The following VASP variants were observed in gnomAD, a reference collection of about 807,000 sequenced individuals.
VASP encodes vasodilator stimulated phosphoprotein.
In VASP, 27 loss-of-function variants were observed where a neutral mutation model predicts 54.4. The ratio of observed to expected loss-of-function variants is 0.50; its 90% CI spans 0.37 to 0.68. The LOEUF (loss-of-function observed/expected upper bound fraction) is 0.68. Among genes scored for constraint, VASP ranks in the 30% least tolerant of loss-of-function variants. The probability of loss-of-function intolerance (pLI) is 0.00; values close to 1 mark genes in which losing one functional copy is unlikely to be tolerated. For synonymous variants in VASP, 233 were observed against 209.8 expected, an observed-to-expected ratio of 1.11 and a Z score of -0.96; for missense variants, 488 against 528.3, an observed-to-expected ratio of 0.92 and a Z score of 0.75.
intron 3 of VASP, among the ~76,000 whole-genome samples, chr19:45,520,582 G>GGGCC (rs1968809804): frequency 6.6e-6 from 1 of 152,232 alleles, no homozygotes; most frequent in Admixed American, 6.5e-5. Flanking sequence ...TCAGGTGCTA[G>GGGCC]GGCCAGAGGC....
At chr19:45,517,376 A>ATCTGTCTG (rs56149929) in intron 1 of VASP, among the ~76,000 whole-genome samples, 1 of 140,960 alleles carries the variant, frequency 7.1e-6, no homozygotes, top group African/African-American at 2.6e-5. Context: ...CCATCTGTTC[A>ATCTGTCTG]TCTGTCTGTC....
At chr19:45,512,668 T>C (rs1474811465) in intron 1 of VASP, among the ~76,000 whole-genome samples, 3 of 151,800 alleles carry the variant, frequency 2.0e-5, no homozygotes, top group African/African-American at 7.3e-5. Flanking sequence ...GGCGTGATCT[T>C]GGCTCACTGC....
intron 3 of VASP, 27 bp from the exon 4 acceptor site, chr19:45,521,295 C>G: frequency 6.5e-7 from 1 of 1,548,818 alleles, no homozygotes; most frequent in Non-Finnish European, 8.8e-7. Context: ...GGGACTGATC[C>G]ATGGCCCTTT....
intron 1 of VASP, among the ~76,000 whole-genome samples, chr19:45,515,809 A>G (rs1968690299): frequency 6.6e-6 from 1 of 152,094 alleles, no homozygotes; most frequent in South Asian, 2.1e-4. Flanking sequence ...ACATGCTGTA[A>G]TTACAGGCGT....
chr19:45,517,400 T>C (rs1269461091), intron 1 of VASP, among the ~76,000 whole-genome samples: 1 of 151,554 alleles, frequency 6.6e-6, no homozygotes, highest in African/African-American at 2.4e-5. Flanking sequence ...CTTCAGTCTG[T>C]CTCTCCTCTT....
chr19:45,518,536 T>G (rs1339412791), intron 3 of VASP, among the ~76,000 whole-genome samples: 1 of 152,034 alleles, frequency 6.6e-6, no homozygotes, highest in Non-Finnish European at 1.5e-5. Context: ...CACTTCAGCC[T>G]GGCGACAGAG....
At chr19:45,524,284 C>A in intron 10 of VASP, 142 bp downstream of exon 10, 1 of 964,938 alleles carries the variant, frequency 1.0e-6, no homozygotes, top group Non-Finnish European at 1.6e-6. Context: ...TACCTGTGGT[C>A]CCAGCTACTC....
At chr19:45,524,484 C>T in intron 10 of VASP, 86 bp from the exon 11 acceptor site, 1 of 1,355,024 alleles carries the variant, frequency 7.4e-7, no homozygotes, top group Non-Finnish European at 1.1e-6. Context: ...TAAGGCAGAG[C>T]TCAATGTGAC....
At chr19:45,517,580 A>G (rs1295939077) in intron 1 of VASP, 83 bp from the exon 2 acceptor site, 1 of 1,523,798 alleles carries the variant, frequency 6.6e-7, no homozygotes, top group South Asian at 1.2e-5. Flanking sequence ...CCTTCCACAC[A>G]CTGTCTTTGT....
chr19:45,508,405 C>G (rs1014623733), intron 1 of VASP, among the ~76,000 whole-genome samples: 2 of 151,962 alleles, frequency 1.3e-5, no homozygotes, highest in Non-Finnish European at 2.9e-5. Context: ...CTGGTGGGAC[C>G]CCCCCCTTCC....
At chr19:45,525,845 G>A in intron 11 of VASP, 101 bp from the exon 12 acceptor site, 3 of 1,201,426 alleles carry the variant, frequency 2.5e-6, no homozygotes, top group Non-Finnish European at 3.6e-6. Context: ...CCCTAGCCTG[G>A]GCAACAGAGC....
In VASP at chr19:45,521,312, C is replaced by T. The variant is rs1968827002; in HGVS notation, c.344-10C>T. ...GACTGATCCATGGCCCTTTCTCTCTCACCTTTCAGGAGGTGGGCCCCCTCC... is the reference window on the plus strand; with the variant it reads ...GACTGATCCATGGCCCTTTCTCTCTTACCTTTCAGGAGGTGGGCCCCCTCC... On this transcript the variant is annotated splice_polypyrimidine_tract_variant and intron_variant, in intron 3 of 12. Transcript: ENST00000245932. The T allele has an allele frequency of 6.4e-7, 1 of 1,568,368 alleles. No individual in the cohort carries two copies. Among genetic ancestry groups the T allele is most frequent in the Non-Finnish European group, 8.6e-7 (1 of 1,156,362 alleles).
At chr19:45,512,126 CAG>C (rs111840013) in intron 1 of VASP, among the ~76,000 whole-genome samples, 20,307 of 151,744 alleles carry the variant, frequency 0.13, 1,626 homozygotes, top group East Asian at 0.34. Context: ...AGCCTGGGTG[CAG>C]AGTGAGAGAC....
At chr19:45,512,892 C>A (rs923549757) in intron 1 of VASP, among the ~76,000 whole-genome samples, 1 of 152,354 alleles carries the variant, frequency 6.6e-6, no homozygotes, top group African/African-American at 2.4e-5. Flanking sequence ...AGCCACCGCA[C>A]CCGACCTTTT....
At chr19:45,523,937 CAT>C in intron 9 of VASP, 60 bp downstream of exon 9, 1 of 1,611,522 alleles carries the variant, frequency 6.2e-7, no homozygotes, top group Non-Finnish European at 8.5e-7. Context: ...TCTGTTCTCA[CAT>C]GTTAAGCACC....
chr19:45,521,528 TC>T (rs1968834090), intron 4 of VASP, 122 bp downstream of exon 4: 1 of 883,928 alleles, frequency 1.1e-6, no homozygotes, highest in African/African-American at 1.7e-5. Context: ...TCAAGAAACT[TC>T]TGACACTCAG....
intron 1 of VASP, among the ~76,000 whole-genome samples, chr19:45,511,127 AG>A (rs1351219509): frequency 3.9e-5 from 6 of 152,288 alleles, no homozygotes; most frequent in Admixed American, 1.3e-4. Flanking sequence ...GGACTAGAGT[AG>A]CCCCATCCCC....
chr19:45,511,026 TTAAGA>T (rs575819076), intron 1 of VASP, among the ~76,000 whole-genome samples: 34 of 151,190 alleles, frequency 2.2e-4, no homozygotes, highest in African/African-American at 8.0e-4. Context: ...GTGAAAACTC[TTAAGA>T]TAATTCAGAT....
Position 45,523,694 on chromosome 19 carries a change from A to T in VASP, c.872A>T (p.Asn291Ile). Residue 291 changes from asparagine (N) to isoleucine (I), a missense_variant and splice_region_variant, in exon 8 of 13, where the codon AAT (asparagine) becomes ATT (isoleucine). By Grantham distance (149) the Asn-to-Ile change is moderately radical. Coordinates refer to ENST00000245932, the MANE Select transcript of VASP (RefSeq NM_003370.4). ...GEKTPKDESA[N>I]QEEPEARVPA... ...AAAACCCCCAAGGATGAATCTGCCA[A>T]TGTAAGTCAGGGACTCTTCTTGCCC... The T allele has an allele frequency of 1.9e-6, 3 of 1,614,094 alleles. No individual in the cohort carries two copies. The highest frequency in any genetic ancestry group is 2.5e-6 in the Non-Finnish European group (3 of 1,180,014).
Sources: gnomAD v4.1 joint callset for allele counts (sites outside exome capture counted in the v4.1 genomes callset) on GRCh38, gnomAD v4.1.1 for gene constraint, MANE v1.5 for transcripts, NCBI Gene and HGNC (gene_info 2026-07-23, HGNC 2026-07-21) for gene names.